TMEM14C: variants seen among roughly 807,000 people sequenced by gnomAD.
TMEM14C encodes transmembrane protein 14C.
A neutral mutation model predicts 14.8 loss-of-function variants in TMEM14C; 13 were observed. The ratio of observed to expected loss-of-function variants is 0.88; its 90% CI spans 0.57 to 1.40. The LOEUF (loss-of-function observed/expected upper bound fraction) is 1.40. Among genes scored for constraint, TMEM14C ranks in the 40% most tolerant of loss-of-function variants. TMEM14C has a pLI of 0.00. For missense variants in TMEM14C, 142 were observed against 138.8 expected, an observed-to-expected ratio of 1.02 and a Z score of -0.12; for synonymous variants, 57 against 51.3, an observed-to-expected ratio of 1.11 and a Z score of -0.48.
At chr6:10,723,594 C>CTTTT (rs34904534) in intron 1 of TMEM14C, among the ~76,000 whole-genome samples, 1,937 of 118,644 alleles carry the variant, frequency 0.016, 128 homozygotes, top group African/African-American at 0.058. Flanking sequence ...AAACTTAATT[C>CTTTT]TTTTTTTTTT....
At position 10,726,020 on chromosome 6, in the gene TMEM14C, T is replaced by C. The variant is rs1285246749; in HGVS notation, c.199+12T>C. The C allele has an allele frequency of 6.2e-7, 1 of 1,613,892 alleles. No homozygotes were observed. The highest frequency in any genetic ancestry group is 8.5e-7 in the Non-Finnish European group (1 of 1,179,976). Reference sequence around the variant, plus strand: ...TTGGGTTTTCCTAGGTATGTCTGCTTTGGCGTCTCCTTAGGGCAGCTATGT... The same window carrying C: ...TTGGGTTTTCCTAGGTATGTCTGCTCTGGCGTCTCCTTAGGGCAGCTATGT... On this transcript the variant is annotated intron_variant, in intron 4 of 5. Transcript: ENST00000229563.
At chr6:10,724,722 T>G (rs1303175432) in intron 2 of TMEM14C, 89 bp downstream of exon 2, 5 of 1,494,254 alleles carry the variant, frequency 3.3e-6, no homozygotes, top group Non-Finnish European at 4.6e-6. Flanking sequence ...AAGAGTAGAC[T>G]GCCTGGGATG....
At chr6:10,729,459 C>T (rs1208356819) in intron 5 of TMEM14C, among the ~76,000 whole-genome samples, 2 of 151,784 alleles carry the variant, frequency 1.3e-5, no homozygotes, top group Non-Finnish European at 2.9e-5. Context: ...ATTATAAAAC[C>T]TAAACCAAAT....
intron 4 of TMEM14C, among the ~76,000 whole-genome samples, chr6:10,726,469 A>G (rs879579494): frequency 6.6e-6 from 1 of 152,208 alleles, no homozygotes; most frequent in Non-Finnish European, 1.5e-5. Context: ...AGGCAAGTGG[A>G]TTACAAGGTG....
intron 1 of TMEM14C, chr6:10,724,343 G>A: frequency 2.2e-6 from 1 of 446,018 alleles, no homozygotes; most frequent in Non-Finnish European, 4.0e-6. Flanking sequence ...AGGTTTTCAT[G>A]ACAATGGTCA....
intron 2 of TMEM14C, 46 bp downstream of exon 2, chr6:10,724,679 C>T (rs1251359950): frequency 1.9e-6 from 3 of 1,583,070 alleles, no homozygotes; most frequent in African/African-American, 1.3e-5. Flanking sequence ...CTTCTGGAAA[C>T]CAGAGTTCCT....
At chr6:10,727,942 G>T (rs1770917135) in intron 4 of TMEM14C, among the ~76,000 whole-genome samples, 1 of 152,180 alleles carries the variant, frequency 6.6e-6, no homozygotes, top group African/African-American at 2.4e-5. Flanking sequence ...GGCTCCATGT[G>T]GTCTGGCACC....
chr6:10,726,086 A>G, intron 4 of TMEM14C, 78 bp downstream of exon 4: 2 of 1,527,306 alleles, frequency 1.3e-6, no homozygotes, highest in Non-Finnish European at 9.0e-7. Flanking sequence ...GTTTGGTGGG[A>G]TGGGGTGAGT....
At chr6:10,726,593 G>A (rs1770868981) in intron 4 of TMEM14C, among the ~76,000 whole-genome samples, 1 of 152,158 alleles carries the variant, frequency 6.6e-6, no homozygotes, top group South Asian at 2.1e-4. Context: ...GGGAGGCTGA[G>A]GCAGGAGAAT....
At chr6:10,729,564 G>C (rs1770969435) in intron 5 of TMEM14C, among the ~76,000 whole-genome samples, 1 of 152,136 alleles carries the variant, frequency 6.6e-6, no homozygotes, top group Non-Finnish European at 1.5e-5. Flanking sequence ...ATCACCTGAT[G>C]TCAGGGGTTC....
intron 4 of TMEM14C, among the ~76,000 whole-genome samples, chr6:10,727,373 C>T (rs951888439): frequency 6.6e-6 from 1 of 152,112 alleles, no homozygotes; most frequent in African/African-American, 2.4e-5. Context: ...TGGAGTCTCA[C>T]ATATTGCCCA....
At chr6:10,724,159 C>T (rs1356405869) in intron 1 of TMEM14C, among the ~76,000 whole-genome samples, 1 of 152,142 alleles carries the variant, frequency 6.6e-6, no homozygotes, top group African/African-American at 2.4e-5. Flanking sequence ...AAAGCAACAC[C>T]CCTACCTCCC....
chr6:10,728,652 C>G lies in TMEM14C; in HGVS notation c.212C>G (p.Thr71Ser). 6.2e-7 allele frequency: 1 copy of G among 1,614,108 alleles called. No homozygotes were observed. Among genetic ancestry groups the G allele is most frequent in the South Asian group, 1.1e-5 (1 of 91,076 alleles). ...NVWVFLATSG[T>S]LAGIMGMRFY... ...TGTTTTTCATCAGCTACATCTGGTA[C>G]CTTGGCTGGCATTATGGGAATGAGG... Residue 71 changes from threonine to serine, a missense_variant, in exon 5 of 6, where the codon ACC (threonine) becomes AGC (serine). Transcript: ENST00000229563.
intron 4 of TMEM14C, 145 bp downstream of exon 4, chr6:10,726,153 T>A: frequency 1.2e-6 from 1 of 866,190 alleles, no homozygotes; most frequent in Non-Finnish European, 1.8e-6. Flanking sequence ...CAGAAAGTTT[T>A]AAAATGAGGG....
At chr6:10,725,074 C>T (rs1163539212) in intron 3 of TMEM14C, 37 bp downstream of exon 3, 1 of 1,610,574 alleles carries the variant, frequency 6.2e-7, no homozygotes, top group African/African-American at 1.3e-5. Context: ...TTAACATCTT[C>T]ACGTTGTCCC....
At position 10,729,450 on chromosome 6, in the gene TMEM14C, T is replaced by C. The variant is rs533956408; in HGVS notation, c.287+723T>C. On this transcript the variant is annotated intron_variant, in intron 5 of 5. Coordinates refer to ENST00000229563, the MANE Select transcript of TMEM14C (RefSeq NM_016462.4). ...GGCTGGCCCTGTTTTCTAATTTTGA[T>C]TATAAAACCTAAACCAAATTGTGGT... Among the ~76,000 whole-genome samples the C allele has an allele frequency of 1.9e-3, 292 of 152,158 alleles. 1 individual carries two copies. Among genetic ancestry groups the C allele is most frequent in the Non-Finnish European group, 2.5e-3 (172 of 68,012 alleles).
chr6:10,724,383 G>A, intron 1 of TMEM14C, 187 bp from the exon 2 acceptor site: 3 of 565,130 alleles, frequency 5.3e-6, no homozygotes, highest in East Asian at 2.9e-5. Flanking sequence ...TAGGTGCTAA[G>A]CACCTTTACA....
chr6:10,726,074 T>C, intron 4 of TMEM14C, 66 bp downstream of exon 4: 1 of 1,579,472 alleles, frequency 6.3e-7, no homozygotes, highest in Non-Finnish European at 8.7e-7. Flanking sequence ...CAAAAGACCC[T>C]GGTTTGGTGG....
chr6:10,726,653 TGCA>T (rs1770870835), intron 4 of TMEM14C, among the ~76,000 whole-genome samples: 1 of 152,124 alleles, frequency 6.6e-6, no homozygotes, highest in South Asian at 2.1e-4. Context: ...ATCACACCAC[TGCA>T]CTCCAGCCTG....
Sources: gnomAD v4.1 joint callset for allele counts (sites outside exome capture counted in the v4.1 genomes callset) on GRCh38, gnomAD v4.1.1 for gene constraint, MANE v1.5 for transcripts, NCBI Gene and HGNC (gene_info 2026-07-23, HGNC 2026-07-21) for gene names.